ZEB1: variants seen among roughly 807,000 people sequenced by gnomAD.
ZEB1 encodes the protein zinc finger E-box binding homeobox 1.
In ZEB1, 21 loss-of-function variants were observed where a neutral mutation model predicts 84.9. That is an observed-to-expected ratio of 0.25 (90% CI 0.18 to 0.36). ZEB1 has a LOEUF of 0.36. Among genes scored for constraint, ZEB1 ranks in the 10% least tolerant of loss-of-function variants. The probability of loss-of-function intolerance (pLI) is 1.00; values close to 1 mark genes in which losing one functional copy is unlikely to be tolerated. For synonymous variants in ZEB1, 420 were observed against 471.1 expected, an observed-to-expected ratio of 0.89 and a Z score of 1.41; for missense variants, 1,104 against 1,330.2, an observed-to-expected ratio of 0.83 and a Z score of 2.65.
chr10:31,371,545 G>A (rs1464046788), intron 1 of ZEB1, among the ~76,000 whole-genome samples: 2 of 152,136 alleles, frequency 1.3e-5, no homozygotes, highest in Non-Finnish European at 2.9e-5. Context: ...AGTCTTCTCA[G>A]ATCAGTCCCA....
At chr10:31,411,377 A>T (rs1192340925) in intron 1 of ZEB1, among the ~76,000 whole-genome samples, 1 of 152,206 alleles carries the variant, frequency 6.6e-6, no homozygotes, top group African/African-American at 2.4e-5. Flanking sequence ...CACGCCTGTA[A>T]TCCCAGCACT....
At chr10:31,521,967 T>TA (rs2072511429) in intron 7 of ZEB1, 31 bp downstream of exon 7, 1 of 1,613,690 alleles carries the variant, frequency 6.2e-7, no homozygotes, top group Non-Finnish European at 8.5e-7. Context: ...TGAACCTGGC[T>TA]AGTAATATGC....
chr10:31,466,226 C>A (rs1215594542), intron 2 of ZEB1, among the ~76,000 whole-genome samples: 1 of 152,056 alleles, frequency 6.6e-6, no homozygotes, highest in African/African-American at 2.4e-5. Context: ...GACAGAAAAT[C>A]AATAAAGAAA....
chr10:31,493,778 C>T (rs191003743), intron 2 of ZEB1, among the ~76,000 whole-genome samples: 8 of 151,936 alleles, frequency 5.3e-5, no homozygotes, highest in Non-Finnish European at 1.0e-4. Context: ...GTTGCTCAAC[C>T]AAAACTCCAG....
rs991671839 is a variant in ZEB1, at chr10:31,423,400, A to G, written c.59-37637A>G. ...ATGTTTTTAAGTAAGCATTTCTACA[A>G]CCAGGTGAAGGAAATGATTAAGTAG... On this transcript the variant is annotated intron_variant, in intron 1 of 8. Coordinates refer to ENST00000424869, the MANE Select transcript of ZEB1 (RefSeq NM_001174096.2). 7.9e-5 allele frequency among the ~76,000 whole-genome samples: 12 copies of G among 152,172 alleles called. No homozygotes were observed. The South Asian group carries it at 1.7e-3, about 21-fold the overall frequency.
chr10:31,324,301 G>A (rs2034951182), intron 1 of ZEB1, among the ~76,000 whole-genome samples: 1 of 152,096 alleles, frequency 6.6e-6, no homozygotes, highest in East Asian at 1.9e-4. Context: ...AGCTTTTGAA[G>A]CATGTGCTGA....
intron 1 of ZEB1, among the ~76,000 whole-genome samples, chr10:31,329,930 G>T (rs2036408006): frequency 6.6e-6 from 1 of 151,996 alleles, no homozygotes; most frequent in South Asian, 2.1e-4. Flanking sequence ...AGAGTTCTTT[G>T]TATATTCTGG....
At chr10:31,363,551 C>T (rs1323326048) in intron 1 of ZEB1, 6 of 1,528,058 alleles carry the variant, frequency 3.9e-6, no homozygotes, top group Non-Finnish European at 5.3e-6. Context: ...CCCTGGGTCT[C>T]TACCTGGTCT....
At chr10:31,471,685 T>G (rs2063274371) in intron 2 of ZEB1, among the ~76,000 whole-genome samples, 1 of 146,956 alleles carries the variant, frequency 6.8e-6, no homozygotes, top group African/African-American at 2.6e-5. Context: ...ACCCAGGAAT[T>G]GAACTCAGCT....
chr10:31,405,633 A>C (rs1355586975), intron 1 of ZEB1, among the ~76,000 whole-genome samples: 1 of 151,986 alleles, frequency 6.6e-6, no homozygotes, highest in African/African-American at 2.4e-5. Flanking sequence ...CAGTCCTGTC[A>C]GTTTACTAGT....
In ZEB1 at chr10:31,520,591, C is replaced by T. The variant is rs750773172; in HGVS notation, c.1259C>T (p.Ala420Val). ...LSDIQNVLKV[A>V]VDGNVIRQVL... Reference sequence around the variant, plus strand: ...GATATTCAGAATGTACTTAAAGTGGCGGTAGATGGTAATGTAATAAGGCAA... The same window carrying T: ...GATATTCAGAATGTACTTAAAGTGGTGGTAGATGGTAATGTAATAAGGCAA... The change falls in exon 7 of 9, where the codon GCG (alanine) becomes GTG (valine). Residue 420 changes from alanine (A) to valine (V), a missense_variant. Physicochemically the swap from Ala to Val is moderately conservative, Grantham distance 64. Transcript: ENST00000424869. The surrounding 1 kb of genome is among the most constrained non-coding windows in gnomAD (Gnocchi z 5.1). The T allele has an allele frequency of 2.5e-6, 4 of 1,613,842 alleles. No individual in the cohort carries two copies. The highest frequency in any genetic ancestry group is 3.4e-6 in the Non-Finnish European group (4 of 1,179,934).
chr10:31,320,755 C>G (rs989433457), intron 1 of ZEB1: 1 of 152,164 alleles, frequency 6.6e-6, no homozygotes, highest in Admixed American at 6.5e-5. Flanking sequence ...CTCTCCCTCT[C>G]GTGCAGCAGC....
intron 1 of ZEB1, among the ~76,000 whole-genome samples, chr10:31,323,349 T>C (rs997069466): frequency 7.0e-5 from 10 of 143,396 alleles, no homozygotes; most frequent in African/African-American, 3.0e-4. Flanking sequence ...GCAAGGAAAA[T>C]TACAATTGAT....
intron 1 of ZEB1, among the ~76,000 whole-genome samples, chr10:31,368,909 T>A (rs2045131375): frequency 6.6e-6 from 1 of 152,216 alleles, no homozygotes; most frequent in Non-Finnish European, 1.5e-5. Context: ...TGCTCTGACT[T>A]TTGAAACCAG....
At chr10:31,392,827 C>A (rs1380347329) in intron 1 of ZEB1, among the ~76,000 whole-genome samples, 1 of 151,054 alleles carries the variant, frequency 6.6e-6, no homozygotes, top group African/African-American at 2.4e-5. Context: ...TATTATATAT[C>A]CATATATATA....
chr10:31,463,750 C>G (rs1425021673), intron 2 of ZEB1, among the ~76,000 whole-genome samples: 1 of 152,118 alleles, frequency 6.6e-6, no homozygotes, highest in Non-Finnish European at 1.5e-5. Flanking sequence ...AAATCTCAAG[C>G]CATATTTGAG....
chr10:31,475,723 C>T (rs762034169), intron 2 of ZEB1, among the ~76,000 whole-genome samples: 1 of 152,014 alleles, frequency 6.6e-6, no homozygotes, highest in African/African-American at 2.4e-5. Flanking sequence ...TAGTCTTTCC[C>T]AGATAAGCAC....
intron 2 of ZEB1, among the ~76,000 whole-genome samples, chr10:31,472,353 C>G (rs1404934695): frequency 6.6e-6 from 1 of 151,844 alleles, no homozygotes; most frequent in East Asian, 1.9e-4. Context: ...CAAATAGATG[C>G]AATAAAAAAT....
chr10:31,431,928 G>T (rs148816024), intron 1 of ZEB1, among the ~76,000 whole-genome samples: 1 of 152,162 alleles, frequency 6.6e-6, no homozygotes, highest in Admixed American at 6.5e-5. Flanking sequence ...TTTTAAACAC[G>T]TAAGAACAGA....
Sources: gnomAD v4.1 joint callset for allele counts (sites outside exome capture counted in the v4.1 genomes callset) on GRCh38, gnomAD v4.1.1 for gene constraint, Gnocchi (gnomAD v3.1) non-coding constraint, MANE v1.5 for transcripts, NCBI Gene and HGNC (gene_info 2026-07-23, HGNC 2026-07-21) for gene names.